VSIG10: variants seen among roughly 807,000 people sequenced by gnomAD.
The protein encoded by VSIG10 is V-set and immunoglobulin domain-containing protein 10.
In VSIG10, 48 loss-of-function variants were observed where a neutral mutation model predicts 58.7. The observed-to-expected ratio is 0.82, with a 90% CI of 0.65 to 1.04. The LOEUF (loss-of-function observed/expected upper bound fraction) is 1.04. VSIG10 is among the 50% of genes least tolerant of loss of function. The probability of loss-of-function intolerance (pLI) is 0.00; values close to 1 mark genes in which losing one functional copy is unlikely to be tolerated. For synonymous variants in VSIG10, 260 were observed against 267.1 expected, an observed-to-expected ratio of 0.97 and a Z score of 0.26; for missense variants, 628 against 670.0, an observed-to-expected ratio of 0.94 and a Z score of 0.69.
chr12:118,082,179 C>T lies in VSIG10; in HGVS notation c.612G>A (p.Leu204=), dbSNP rs761792545. 6.2e-7 allele frequency: 1 copy of T among 1,613,824 alleles called. No individual in the cohort carries two copies. The highest frequency in any genetic ancestry group is 2.2e-5 in the East Asian group (1 of 44,890). The change falls in exon 3 of 9, where the codon TTG becomes TTA. Residue 204 remains leucine, a synonymous_variant. Transcript: ENST00000359236. ...NLQGNYTCLA[L]NQLSKRHRKV... is the part of the protein sequence containing the mutation. ...TTCGATGTCTCTTGCTGAGCTGATT[C>T]AAGGCTAAACAGGTGTAGTTCCCTT...
intron 1 of VSIG10, among the ~76,000 whole-genome samples, chr12:118,101,216 T>C (rs1219604051): frequency 1.3e-5 from 2 of 152,156 alleles, no homozygotes; most frequent in Admixed American, 6.6e-5. Flanking sequence ...GGGTTGAAGA[T>C]GAGATTGAGT....
chr12:118,069,265 T>G (rs1448247406), intron 7 of VSIG10, among the ~76,000 whole-genome samples: 2 of 150,960 alleles, frequency 1.3e-5, no homozygotes, highest in African/African-American at 4.9e-5. Flanking sequence ...AATTTTTGTA[T>G]TTTTAGTAGA....
At position 118,079,475 on chromosome 12, in the gene VSIG10, T is replaced by C; in HGVS notation, c.796A>G (p.Ile266Val). The C allele has an allele frequency of 6.2e-7, 1 of 1,613,998 alleles. No homozygotes were observed. The highest frequency in any genetic ancestry group is 2.2e-5 in the East Asian group (1 of 44,884). The part of the protein sequence containing the change: ...FLWIEEPGGV[I>V]VGKSKLGVEM... ...ACCCCCAGCTTTGACTTCCCCACGA[T>C]TACACCTCCTGGCTCTTCTATCCAC... is the stretch of plus-strand genomic sequence containing the variant. Residue 266 changes from isoleucine to valine, a missense_variant, in exon 4 of 9, where the codon ATC becomes GTC. Transcript: ENST00000359236.
At position 118,064,943 on chromosome 12, in the gene VSIG10, C is replaced by T. The variant is rs766854718; in HGVS notation, c.*1696G>A. The T allele has an allele frequency of 1.3e-5, 2 of 152,272 alleles. No homozygotes were observed. Among genetic ancestry groups the T allele is most frequent in the South Asian group, 2.1e-4 (1 of 4,820 alleles). 9.4% of individuals were successfully genotyped at this position (152,272 alleles called of 1,614,324 possible). ...TAGGTCCTGCCCACTAGAGCAGATA[C>T]GCAACATTAAAGAGTGCAAATTCAA... is the stretch of plus-strand genomic sequence containing the variant. On this transcript the variant is annotated 3_prime_UTR_variant, in exon 9 of 9. Transcript: ENST00000359236.
intron 4 of VSIG10, among the ~76,000 whole-genome samples, chr12:118,076,779 C>A (rs914147155): frequency 6.6e-6 from 1 of 152,048 alleles, no homozygotes; most frequent in African/African-American, 2.4e-5. Context: ...CATCAGCCTC[C>A]CCAGTAGCTG....
intron 1 of VSIG10, among the ~76,000 whole-genome samples, chr12:118,097,597 G>A (rs1209310757): frequency 6.6e-6 from 1 of 150,406 alleles, no homozygotes; most frequent in African/African-American, 2.5e-5. Flanking sequence ...CCTGGGTGAC[G>A]GGGCAAGACT....
intron 7 of VSIG10, 146 bp downstream of exon 7, chr12:118,070,906 C>T: frequency 2.1e-6 from 2 of 944,634 alleles, no homozygotes; most frequent in Non-Finnish European, 3.3e-6. Flanking sequence ...ATAAGAATAC[C>T]TGATGAAATC....
intron 1 of VSIG10, 116 bp from the exon 2 acceptor site, chr12:118,095,930 T>TA (rs1414240706): frequency 3.8e-6 from 5 of 1,308,288 alleles, no homozygotes; most frequent in Non-Finnish European, 4.0e-6. Context: ...GTTCTTTTTT[T>TA]TTTTTTTTTT....
At chr12:118,082,622 T>A (rs1190380082) in intron 2 of VSIG10, among the ~76,000 whole-genome samples, 193 bp from the exon 3 acceptor site, 1 of 152,116 alleles carries the variant, frequency 6.6e-6, no homozygotes, top group East Asian at 1.9e-4. Context: ...TATGTGAGAC[T>A]TTTTTAGGGG....
In VSIG10 at chr12:118,066,667, A is replaced by G; in HGVS notation, c.1595T>C (p.Ile532Thr). ...GACTGGCCTGTCTTCTTCTTGAACA[A>G]TGTCACTTTGCTCCTCACTGCTGTC... ...QDDSSEEQSDIVQEEDRPV is the reference protein window; with the variant it reads ...QDDSSEEQSDTVQEEDRPV The change falls in exon 9 of 9, where the codon ATT becomes ACT. Residue 532 changes from isoleucine (I) to threonine (T), a missense_variant. By Grantham distance (89) the Ile-to-Thr change is moderately conservative (BLOSUM62 -1). Transcript: ENST00000359236. 1.2e-6 allele frequency: 2 copies of G among 1,612,858 alleles called. No individual in the cohort carries two copies. Among genetic ancestry groups the G allele is most frequent in the Non-Finnish European group, 8.5e-7 (1 of 1,179,374 alleles).
At chr12:118,066,799 C>T (rs2032264918) in intron 8 of VSIG10, 105 bp from the exon 9 acceptor site, 1 of 1,253,534 alleles carries the variant, frequency 8.0e-7, no homozygotes, top group South Asian at 1.4e-5. Context: ...TCCTGGTGAG[C>T]CACAGAATGG....
intron 4 of VSIG10, among the ~76,000 whole-genome samples, chr12:118,077,736 G>A (rs906284933): frequency 6.6e-6 from 1 of 152,222 alleles, no homozygotes; most frequent in South Asian, 2.1e-4. Context: ...CATCTGCCAT[G>A]TTGGAAGGAC....
At chr12:118,079,216 G>C in intron 4 of VSIG10, 130 bp downstream of exon 4, 3 of 1,312,622 alleles carry the variant, frequency 2.3e-6, no homozygotes, top group Non-Finnish European at 3.1e-6. Flanking sequence ...AAAAGAAAGG[G>C]AGAAAGGGAA....
intron 2 of VSIG10, among the ~76,000 whole-genome samples, chr12:118,087,325 G>A (rs988352981): frequency 1.4e-5 from 2 of 144,484 alleles, no homozygotes; most frequent in Admixed American, 7.0e-5. Flanking sequence ...CCTCCTACAA[G>A]ACAGAGACAC....
At chr12:118,070,821 C>A (rs1270500527) in intron 7 of VSIG10, 18 of 581,428 alleles carry the variant, frequency 3.1e-5, no homozygotes, top group Non-Finnish European at 4.9e-5. Flanking sequence ...GCAGAAATTA[C>A]TTCACTGAGC....
At position 118,071,059 on chromosome 12, in the gene VSIG10, T is replaced by C. The variant is rs760012596; in HGVS notation, c.1339A>G (p.Thr447Ala). The C allele has an allele frequency of 1.3e-6, 2 of 1,599,750 alleles. No individual in the cohort carries two copies. Among genetic ancestry groups the C allele is most frequent in the Non-Finnish European group, 1.7e-6 (2 of 1,172,872 alleles). Reference sequence around the variant, plus strand: ...ATTCTAGGGAACACTCACCTGGAAGTGTTTCCTACTGAAGAGAGAAAGGAA... The same window carrying C: ...ATTCTAGGGAACACTCACCTGGAAGCGTTTCCTACTGAAGAGAGAAAGGAA... ...SPVFCWKVGNTSRGQNMDDVM... is the reference protein window; with the variant it reads ...SPVFCWKVGNASRGQNMDDVM... Residue 447 changes from threonine (T) to alanine (A), a missense_variant, in exon 7 of 9, where the codon ACT becomes GCT. Transcript: ENST00000359236.
intron 5 of VSIG10, among the ~76,000 whole-genome samples, chr12:118,072,567 G>C (rs2032541538): frequency 6.6e-6 from 1 of 151,232 alleles, no homozygotes; most frequent in East Asian, 2.0e-4. Flanking sequence ...GAAGGGAAGG[G>C]AAGAAAGAGG....
chr12:118,085,102 C>A (rs144210684), intron 2 of VSIG10, among the ~76,000 whole-genome samples: 22 of 152,280 alleles, frequency 1.4e-4, no homozygotes, highest in African/African-American at 5.3e-4. Flanking sequence ...CACCTTCTGA[C>A]CAGGCACAAA....
intron 8 of VSIG10, among the ~76,000 whole-genome samples, chr12:118,067,344 C>G (rs1473130721): frequency 6.6e-6 from 1 of 152,060 alleles, no homozygotes; most frequent in Non-Finnish European, 1.5e-5. Flanking sequence ...TGTTGTCCAT[C>G]AGGCAATTAA....
Sources: gnomAD v4.1 joint callset for allele counts (sites outside exome capture counted in the v4.1 genomes callset) on GRCh38, gnomAD v4.1.1 for gene constraint, MANE v1.5 for transcripts, NCBI Gene and HGNC (gene_info 2026-07-23, HGNC 2026-07-21) for gene names.